The following CEP70 variants were observed in gnomAD, a reference collection of about 807,000 sequenced individuals.
CEP70 encodes the protein centrosomal protein 70.
Under a neutral mutation model 90.9 loss-of-function variants are expected in CEP70, and 70 were observed. The observed-to-expected ratio is 0.77, with a 90% CI of 0.64 to 0.94. The LOEUF is 0.94. Among genes scored for constraint, CEP70 ranks in the 40% least tolerant of loss-of-function variants. The pLI is 0.00. For synonymous variants in CEP70, 220 were observed against 228.3 expected, an observed-to-expected ratio of 0.96 and a Z score of 0.33; for missense variants, 648 against 669.0, an observed-to-expected ratio of 0.97 and a Z score of 0.35.
chr3:138,535,992 A>C (rs1384547235), intron 7 of CEP70, among the ~76,000 whole-genome samples: 1 of 152,074 alleles, frequency 6.6e-6, no homozygotes, highest in African/African-American at 2.4e-5. Flanking sequence ...TATGTGCATT[A>C]TCTCTCAAAT....
intron 7 of CEP70, among the ~76,000 whole-genome samples, chr3:138,533,613 T>C (rs1377329464): frequency 2.0e-5 from 3 of 152,094 alleles, no homozygotes; most frequent in South Asian, 2.1e-4. Flanking sequence ...AAAGAAGAAC[T>C]GTCTCACTCA....
rs373916765 is a variant in CEP70 at position 138,520,816 on chromosome 3, TC to T, written c.944+4673del. Among the ~76,000 whole-genome samples, 522 of 152,102 alleles carry T rather than the reference TC, an allele frequency of 3.4e-3. 8 individuals carry two copies. The highest frequency in any genetic ancestry group is 0.012 in the African/African-American group (495 of 41,486). On this transcript the variant is annotated intron_variant, in intron 11 of 17. Coordinates refer to ENST00000264982, the MANE Select transcript of CEP70 (RefSeq NM_024491.4). The stretch of plus-strand genomic sequence containing the variant: ...TCTCCCTTTTCACGGTCTCCCCCTC[TC>T]CCTCGTCTCCGTCTCCCACTTGGCC...
rs993945770 is a variant in CEP70, at chr3:138,570,395, C to G, written c.388G>C (p.Glu130Gln). Residue 130 changes from glutamate to glutamine, a missense_variant, in exon 6 of 18, where the codon GAG (glutamate) becomes CAG (glutamine). Transcript: ENST00000264982. ...ESVKSKIGEL[E>Q]DESLSRACHQ... ...CAAGCCCTACTTAGTGATTCATCCT[C>G]CAATTCACCAATTTTGGATTTCACA... The G allele has an allele frequency of 1.9e-6, 3 of 1,608,566 alleles. No homozygotes were observed. Among genetic ancestry groups the G allele is most frequent in the Middle Eastern group, 1.7e-4 (1 of 6,052 alleles).
intron 2 of CEP70, among the ~76,000 whole-genome samples, chr3:138,591,445 C>T (rs1428976252): frequency 6.6e-6 from 1 of 152,026 alleles, no homozygotes; most frequent in Non-Finnish European, 1.5e-5. Context: ...AGCTCTGTAG[C>T]CAGACTGCCT....
intron 7 of CEP70, among the ~76,000 whole-genome samples, chr3:138,536,767 A>AT (rs903891253): frequency 1.6e-4 from 24 of 150,360 alleles, no homozygotes; most frequent in Middle Eastern, 3.5e-3. Context: ...ATCAATGATG[A>AT]TTTTTTTTTC....
intron 2 of CEP70, among the ~76,000 whole-genome samples, chr3:138,581,651 C>T (rs540473437): frequency 1.4e-5 from 2 of 143,120 alleles, no homozygotes; most frequent in Non-Finnish European, 3.0e-5. Context: ...TGCAGTGACC[C>T]GAGATCGCAC....
At chr3:138,537,397 T>C (rs1291983880) in intron 6 of CEP70, 50 bp from the exon 7 acceptor site, 14 of 1,283,918 alleles carry the variant, frequency 1.1e-5, no homozygotes, top group Middle Eastern at 4.0e-4. Flanking sequence ...ATCTAGGACA[T>C]GCTATCCTAA....
chr3:138,579,175 A>G (rs2041715658), intron 2 of CEP70, among the ~76,000 whole-genome samples: 1 of 152,206 alleles, frequency 6.6e-6, no homozygotes, highest in African/African-American at 2.4e-5. Context: ...GACCAGTCCT[A>G]GCCAGAGGGG....
At position 138,570,988 on chromosome 3, in the gene CEP70, A is replaced by G. The variant is rs751664145; in HGVS notation, c.284+46T>C. 3 of 1,438,072 alleles carry G rather than the reference A, an allele frequency of 2.1e-6. No individual in the cohort carries two copies. The South Asian group carries it at 4.6e-5, about 22-fold the overall frequency. The allele number at this position is 1,438,072 out of a possible 1,614,324, so 89.1% of individuals were successfully genotyped here. On this transcript the variant is annotated intron_variant, in intron 5 of 17. Transcript: ENST00000264982. Reference sequence around the variant, plus strand: ...GATTTTTTTCAAGGCAGTTATTTTTAGAACGCATACAAACAATTCAAAAGA... The same window carrying G: ...GATTTTTTTCAAGGCAGTTATTTTTGGAACGCATACAAACAATTCAAAAGA...
intron 11 of CEP70, among the ~76,000 whole-genome samples, chr3:138,517,237 T>C (rs140899447): frequency 1.3e-5 from 2 of 152,354 alleles, no homozygotes; most frequent in African/African-American, 2.4e-5. Context: ...CTTAAATATA[T>C]AGCCAAATCC....
intron 8 of CEP70, among the ~76,000 whole-genome samples, chr3:138,530,008 A>G (rs1405282566): frequency 1.3e-5 from 2 of 152,236 alleles, no homozygotes; most frequent in Middle Eastern, 3.2e-3. Flanking sequence ...TCTCATCTGT[A>G]AAATAGTATC....
chr3:138,567,719 T>C (rs887413480), intron 6 of CEP70, among the ~76,000 whole-genome samples: 1 of 152,194 alleles, frequency 6.6e-6, no homozygotes, highest in Non-Finnish European at 1.5e-5. Context: ...GCAAATTTAT[T>C]GGGGGTGGCT....
At chr3:138,541,363 G>C (rs1379737989) in intron 6 of CEP70, among the ~76,000 whole-genome samples, 2 of 151,648 alleles carry the variant, frequency 1.3e-5, no homozygotes, top group Non-Finnish European at 2.9e-5. Context: ...AAAGCATATT[G>C]GCCAGGAGGG....
intron 6 of CEP70, among the ~76,000 whole-genome samples, chr3:138,560,162 G>A (rs1489289129): frequency 3.3e-5 from 5 of 152,188 alleles, no homozygotes; most frequent in Non-Finnish European, 7.3e-5. Context: ...CTGAGGTACC[G>A]TGTTCATCTA....
intron 6 of CEP70, among the ~76,000 whole-genome samples, chr3:138,552,099 A>G (rs2039663020): frequency 6.6e-6 from 1 of 152,226 alleles, no homozygotes. Flanking sequence ...ATAATGATAG[A>G]AAGCCTTGTC....
chr3:138,535,354 A>G (rs1406695865), intron 7 of CEP70, among the ~76,000 whole-genome samples: 1 of 152,102 alleles, frequency 6.6e-6, no homozygotes, highest in Non-Finnish European at 1.5e-5. Flanking sequence ...ATTTCTCCCT[A>G]TGTCACACCC....
At chr3:138,523,359 T>C (rs2036875289) in intron 11 of CEP70, among the ~76,000 whole-genome samples, 1 of 152,184 alleles carries the variant, frequency 6.6e-6, no homozygotes, top group African/African-American at 2.4e-5. Flanking sequence ...AACATAGTAT[T>C]GGAAGTTCTG....
chr3:138,590,709 G>T (rs1205183033), intron 2 of CEP70, among the ~76,000 whole-genome samples: 5 of 151,920 alleles, frequency 3.3e-5, no homozygotes, highest in Non-Finnish European at 7.4e-5. Context: ...TACTTAGGAG[G>T]CTGAGGCAGG....
chr3:138,572,958 A>T (rs1188278433), intron 2 of CEP70, 26 bp from the exon 3 acceptor site: 1 of 1,548,004 alleles, frequency 6.5e-7, no homozygotes, highest in Non-Finnish European at 8.8e-7. Flanking sequence ...AAGAAACAGA[A>T]ATTGGCAATT....
Sources: allele counts gnomAD v4.1 joint callset (sites outside exome capture counted in the v4.1 genomes callset), GRCh38; gene constraint gnomAD v4.1.1; transcripts MANE v1.5; gene names NCBI Gene and HGNC (gene_info 2026-07-23, HGNC 2026-07-21).